The following TRAPPC12 variants were observed in gnomAD, a reference collection of about 807,000 sequenced individuals.
TRAPPC12 encodes trafficking protein particle complex subunit 12.
In TRAPPC12, 61 loss-of-function variants were observed where a neutral mutation model predicts 69.2. That is an observed-to-expected ratio of 0.88 (90% CI 0.72 to 1.09). The LOEUF is 1.09. TRAPPC12 is among the 50% of genes least tolerant of loss of function. The probability of loss-of-function intolerance (pLI) is 0.00; values close to 1 mark genes in which losing one functional copy is unlikely to be tolerated. For missense variants in TRAPPC12, 1,101 were observed against 1,016.4 expected, an observed-to-expected ratio of 1.08 and a Z score of -1.13; for synonymous variants, 469 against 438.9, an observed-to-expected ratio of 1.07 and a Z score of -0.86.
chr2:3,421,141 A>G (rs565654516), intron 3 of TRAPPC12, among the ~76,000 whole-genome samples: 109 of 152,350 alleles, frequency 7.2e-4, no homozygotes, highest in African/African-American at 2.5e-3. Context: ...CAGAGTGAGC[A>G]TCCACTTTTA....
At chr2:3,471,122 C>T (rs573288279) in intron 9 of TRAPPC12, among the ~76,000 whole-genome samples, 1 of 152,374 alleles carries the variant, frequency 6.6e-6, no homozygotes, top group African/African-American at 2.4e-5. Context: ...CAGATGCCCT[C>T]ACTTTGTGTT....
rs372099343 is a variant in TRAPPC12 at position 3,424,706 on chromosome 2, C to G, written c.1417+43C>G. On this transcript the variant is annotated intron_variant, in intron 5 of 11. Coordinates refer to ENST00000324266, the MANE Select transcript of TRAPPC12 (RefSeq NM_016030.6). ...AATATTTGTACATTTGTCTGTGTGT[C>G]GCTCTGGTTTGCTTTGATTTATACA... 3.1e-5 allele frequency: 48 copies of G among 1,526,562 alleles called. No homozygotes were observed. In the African/African-American group the frequency reaches 6.3e-4, roughly 20 times the overall value. 94.6% of individuals were successfully genotyped at this position (1,526,562 alleles called of 1,614,324 possible). A position where few individuals can be genotyped will look rare whatever the true frequency, so the allele number is the denominator to read the frequency against.
At chr2:3,423,473 T>C (rs1662933426) in intron 4 of TRAPPC12, among the ~76,000 whole-genome samples, 2 of 152,146 alleles carry the variant, frequency 1.3e-5, no homozygotes, top group Admixed American at 1.3e-4. Flanking sequence ...TTCCTTTGAC[T>C]AACATCTCTC....
intron 10 of TRAPPC12, chr2:3,478,089 G>A (rs1666374698): frequency 1.4e-5 from 3 of 217,714 alleles, no homozygotes; most frequent in Admixed American, 5.5e-5. Flanking sequence ...CATTGCTGGC[G>A]TAGCGGCCGT....
At chr2:3,429,763 C>A (rs1309489205) in intron 5 of TRAPPC12, among the ~76,000 whole-genome samples, 1 of 152,178 alleles carries the variant, frequency 6.6e-6, no homozygotes, top group Non-Finnish European at 1.5e-5. Context: ...ATGAGAAAGT[C>A]TGTTTTGGGA....
intron 1 of TRAPPC12, among the ~76,000 whole-genome samples, chr2:3,381,558 T>G (rs1660211525): frequency 6.6e-6 from 1 of 152,226 alleles, no homozygotes; most frequent in African/African-American, 2.4e-5. Flanking sequence ...ATCCTATTTA[T>G]AGTTTAATAA....
intron 6 of TRAPPC12, among the ~76,000 whole-genome samples, chr2:3,446,190 A>G (rs1218265938): frequency 2.0e-5 from 3 of 152,178 alleles, no homozygotes; most frequent in Non-Finnish European, 4.4e-5. Context: ...GGTATCTCTC[A>G]TGTTTAAAGA....
chr2:3,424,069 C>CCCCG (rs1662965327), intron 4 of TRAPPC12, among the ~76,000 whole-genome samples: 2 of 152,226 alleles, frequency 1.3e-5, no homozygotes, highest in Admixed American at 1.3e-4. Context: ...GCCGTCATTC[C>CCCCG]CCCGCCCTCC....
intron 2 of TRAPPC12, among the ~76,000 whole-genome samples, chr2:3,396,472 G>A (rs1661141182): frequency 6.6e-6 from 1 of 152,074 alleles, no homozygotes; most frequent in African/African-American, 2.4e-5. Context: ...GGCTGTTTTG[G>A]ATCTGAGACT....
At chr2:3,411,545 C>T (rs1269962671) in intron 3 of TRAPPC12, among the ~76,000 whole-genome samples, 8 of 152,208 alleles carry the variant, frequency 5.3e-5, no homozygotes, top group Admixed American at 2.6e-4. Context: ...CATATCTATA[C>T]TATACATAGT....
intron 2 of TRAPPC12, among the ~76,000 whole-genome samples, chr2:3,400,766 A>T (rs1187727547): frequency 6.6e-6 from 1 of 152,110 alleles, no homozygotes; most frequent in Non-Finnish European, 1.5e-5. Context: ...CCCATACAAC[A>T]GACTTGGTAA....
At chr2:3,443,966 GCTGTTCCCTGCCCGTC>G (rs916420202) in intron 6 of TRAPPC12, 75 bp downstream of exon 6, 206 of 1,134,360 alleles carry the variant, frequency 1.8e-4, no homozygotes, top group Non-Finnish European at 2.6e-4. Flanking sequence ...ACATGCCCGT[GCTGTTCCCTGCCCGTC>G]CTGCCCCATG....
At chr2:3,477,834 TC>T in intron 10 of TRAPPC12, 39 bp downstream of exon 10, 1 of 1,454,076 alleles carries the variant, frequency 6.9e-7, no homozygotes, top group Non-Finnish European at 9.4e-7. Context: ...TTCTCAAATT[TC>T]CCAGAGGCGT....
intron 9 of TRAPPC12, among the ~76,000 whole-genome samples, chr2:3,471,888 C>A (rs1390935940): frequency 6.6e-6 from 1 of 152,058 alleles, no homozygotes. Flanking sequence ...AGGTGCAAGT[C>A]CAGCAGCCAA....
rs1187658675 is a variant in TRAPPC12, at chr2:3,430,715, C to G, written c.1417+6052C>G. 2.0e-5 allele frequency among the ~76,000 whole-genome samples: 3 copies of G among 152,348 alleles called. No individual in the cohort carries two copies. The East Asian group carries it at 5.8e-4, about 29-fold the overall frequency. ...GCAACATGACATGTTTTAGGAGTAT[C>G]TTCTTTATTCCACATACTGTTATAT... On this transcript the variant is annotated intron_variant, in intron 5 of 11. Transcript: ENST00000324266.
chr2:3,456,922 T>C (rs1665184216), intron 6 of TRAPPC12: 1 of 337,160 alleles, frequency 3.0e-6, no homozygotes, highest in African/African-American at 2.3e-5. Context: ...TTAAAAAACA[T>C]ATTCCCCATG....
chr2:3,435,439 T>C (rs1053625381), intron 5 of TRAPPC12, among the ~76,000 whole-genome samples: 6 of 152,238 alleles, frequency 3.9e-5, no homozygotes, highest in Admixed American at 2.6e-4. Flanking sequence ...AGCGCTAGTT[T>C]TAATTGTGAT....
chr2:3,388,736 G>A, intron 2 of TRAPPC12, 66 bp downstream of exon 2: 8 of 1,402,750 alleles, frequency 5.7e-6, no homozygotes, highest in South Asian at 2.9e-5. Flanking sequence ...TACGCACAGT[G>A]CCCCTTTAGG....
chr2:3,438,987 T>G (rs568707724), intron 5 of TRAPPC12, among the ~76,000 whole-genome samples: 16 of 152,294 alleles, frequency 1.1e-4, no homozygotes, highest in African/African-American at 3.1e-4. Context: ...CTGGATCTTA[T>G]GGTAAAAGTA....
Sources: gnomAD v4.1 joint callset for allele counts (sites outside exome capture counted in the v4.1 genomes callset) on GRCh38, gnomAD v4.1.1 for gene constraint, MANE v1.5 for transcripts, NCBI Gene and HGNC (gene_info 2026-07-23, HGNC 2026-07-21) for gene names.